PID1: variants seen among roughly 807,000 people sequenced by gnomAD.
PID1 encodes PTB-containing, cubilin and LRP1-interacting protein.
A neutral mutation model predicts 19.1 loss-of-function variants in PID1; 10 were observed. The ratio of observed to expected loss-of-function variants is 0.52; its 90% CI spans 0.32 to 0.89. The LOEUF is 0.89. PID1 is among the 40% of genes least tolerant of loss of function. PID1 has a pLI of 0.03. For missense variants in PID1, 248 were observed against 285.3 expected (o/e 0.87, Z 0.94); for synonymous variants, 130 against 116.0 (o/e 1.12, Z -0.78).
intron 1 of PID1, among the ~76,000 whole-genome samples, chr2:229,249,674 C>T (rs1690100305): frequency 2.0e-5 from 3 of 152,074 alleles, no homozygotes; most frequent in Admixed American, 2.0e-4. Context: ...ACTGTGGACA[C>T]CCAGAAGAAA....
intron 2 of PID1, among the ~76,000 whole-genome samples, chr2:229,053,409 A>G (rs1676921827): frequency 6.6e-6 from 1 of 152,266 alleles, no homozygotes; most frequent in South Asian, 2.1e-4. Context: ...AAAATAAGCC[A>G]GAACTGTTAT....
chr2:229,073,468 T>C (rs1195814331), intron 2 of PID1, among the ~76,000 whole-genome samples: 1 of 152,216 alleles, frequency 6.6e-6, no homozygotes, highest in Non-Finnish European at 1.5e-5. Context: ...TGCCACGCTC[T>C]ACGCTTCTAG....
intron 1 of PID1, among the ~76,000 whole-genome samples, chr2:229,203,565 T>A (rs1029354480): frequency 6.6e-6 from 1 of 152,130 alleles, no homozygotes. Context: ...AAATAAATGA[T>A]ATAATTTCAT....
chr2:229,236,987 TACACACACACAC>T (rs201772514), intron 1 of PID1, among the ~76,000 whole-genome samples: 20 of 107,780 alleles, frequency 1.9e-4, no homozygotes, highest in Non-Finnish European at 3.1e-4. Flanking sequence ...TACACACACA[TACACACACACAC>T]ACACACACAC....
At chr2:229,066,480 T>G (rs1215377265) in intron 2 of PID1, among the ~76,000 whole-genome samples, 1 of 152,150 alleles carries the variant, frequency 6.6e-6, no homozygotes, top group Non-Finnish European at 1.5e-5. Flanking sequence ...AAAACCATTC[T>G]AACTTTTATA....
Position 229,210,047 on chromosome 2 carries a change from A to C in PID1, c.31-54083T>G, listed in dbSNP as rs573612265. Among the ~76,000 whole-genome samples the C allele has an allele frequency of 1.1e-4, 16 of 152,254 alleles. No individual in the cohort carries two copies. The South Asian group carries it at 3.3e-3, about 32-fold the overall frequency. On this transcript the variant is annotated intron_variant, in intron 1 of 2. Transcript: ENST00000392055. The stretch of plus-strand genomic sequence containing the variant: ...AGAGCAAGGTCATTACTTTTTATAA[A>C]GCCCGCTTCCCTAAATTTTTGTTTA...
chr2:229,134,368 T>C (rs546970950), intron 2 of PID1, among the ~76,000 whole-genome samples: 26 of 150,486 alleles, frequency 1.7e-4, no homozygotes, highest in African/African-American at 6.4e-4. Context: ...GCCTCCCAAG[T>C]AGCTGGGGCT....
At chr2:229,082,256 G>A (rs1307525371) in intron 2 of PID1, among the ~76,000 whole-genome samples, 1 of 152,158 alleles carries the variant, frequency 6.6e-6, no homozygotes, top group African/African-American at 2.4e-5. Flanking sequence ...ATGGAGAAAT[G>A]CACACCACCA....
intron 2 of PID1, among the ~76,000 whole-genome samples, chr2:229,077,877 T>C (rs1406110918): frequency 6.6e-6 from 1 of 152,242 alleles, no homozygotes; most frequent in Non-Finnish European, 1.5e-5. Flanking sequence ...GGCTCTTTTT[T>C]GGTTCCATGT....
intron 2 of PID1, among the ~76,000 whole-genome samples, chr2:229,081,818 TG>T (rs35992902): frequency 6.6e-6 from 1 of 152,232 alleles, no homozygotes; most frequent in Non-Finnish European, 1.5e-5. Context: ...TGGCATTTAC[TG>T]GGAAGTGCAG....
At chr2:229,133,428 T>C (rs891616879) in intron 2 of PID1, among the ~76,000 whole-genome samples, 2 of 152,236 alleles carry the variant, frequency 1.3e-5, no homozygotes, top group African/African-American at 4.8e-5. Context: ...CCTTTACCAA[T>C]TTCTTCCACG....
At chr2:229,129,670 G>C (rs1471055860) in intron 2 of PID1, among the ~76,000 whole-genome samples, 2 of 152,132 alleles carry the variant, frequency 1.3e-5, no homozygotes, top group Admixed American at 1.3e-4. Context: ...GTATGATCAA[G>C]AAGCACATTT....
intron 1 of PID1, among the ~76,000 whole-genome samples, chr2:229,237,356 T>C (rs1689733993): frequency 1.3e-5 from 2 of 152,168 alleles, no homozygotes; most frequent in African/African-American, 4.8e-5. Flanking sequence ...AGCAAACAAA[T>C]GTTATGTGAA....
chr2:229,166,336 T>C (rs1043962938), intron 1 of PID1, among the ~76,000 whole-genome samples: 2 of 152,170 alleles, frequency 1.3e-5, no homozygotes, highest in Admixed American at 6.5e-5. Flanking sequence ...GTGAGGTACA[T>C]GAAGAAAGCT....
At chr2:229,188,496 G>C (rs1485185206) in intron 1 of PID1, among the ~76,000 whole-genome samples, 1 of 152,134 alleles carries the variant, frequency 6.6e-6, no homozygotes, top group Admixed American at 6.5e-5. Flanking sequence ...CCAGCACTTT[G>C]GGAGGCTGAG....
chr2:229,111,672 C>A (rs554126784), intron 2 of PID1, among the ~76,000 whole-genome samples: 1 of 152,082 alleles, frequency 6.6e-6, no homozygotes, highest in East Asian at 1.9e-4. Flanking sequence ...GCCCCTGAAA[C>A]AATAAAAACA....
chr2:229,223,038 T>C (rs529233461), intron 1 of PID1, among the ~76,000 whole-genome samples: 52 of 152,310 alleles, frequency 3.4e-4, no homozygotes, highest in Non-Finnish European at 6.5e-4. Flanking sequence ...AACTTTTTCC[T>C]ACACATGGCT....
At chr2:229,047,700 CCA>C (rs1271306365) in intron 2 of PID1, among the ~76,000 whole-genome samples, 5 of 152,136 alleles carry the variant, frequency 3.3e-5, no homozygotes, top group African/African-American at 1.2e-4. Context: ...CAATTATACA[CCA>C]GTTTAGGAAA....
chr2:229,203,711 C>T (rs1416551514), intron 1 of PID1, among the ~76,000 whole-genome samples: 1 of 151,734 alleles, frequency 6.6e-6, no homozygotes, highest in Non-Finnish European at 1.5e-5. Context: ...AAGTAGTCTG[C>T]ACACAGGTGA....
Sources: gnomAD v4.1 joint callset for allele counts (sites outside exome capture counted in the v4.1 genomes callset) on GRCh38, gnomAD v4.1.1 for gene constraint, MANE v1.5 for transcripts, NCBI Gene and HGNC (gene_info 2026-07-23, HGNC 2026-07-21) for gene names.